The following DCAF10 variants were observed in gnomAD, a reference collection of about 807,000 sequenced individuals.
DCAF10 encodes the protein DDB1 and CUL4 associated factor 10.
A neutral mutation model predicts 51.9 loss-of-function variants in DCAF10; 19 were observed. The observed-to-expected ratio is 0.37, with a 90% CI of 0.26 to 0.54. The LOEUF is 0.54. Among genes scored for constraint, DCAF10 ranks in the 20% least tolerant of loss-of-function variants. The pLI, the probability that DCAF10 is intolerant of heterozygous loss-of-function variation, is 0.87. For missense variants in DCAF10, 510 were observed against 730.6 expected, an observed-to-expected ratio of 0.70 and a Z score of 3.48; for synonymous variants, 291 against 297.1, an observed-to-expected ratio of 0.98 and a Z score of 0.21.
chr9:37,860,989 T>C (rs558574717), intron 6 of DCAF10, 151 bp from the exon 7 acceptor site: 137 of 1,079,502 alleles, frequency 1.3e-4, no homozygotes, highest in Middle Eastern at 3.3e-4. Flanking sequence ...CTACAAGTTT[T>C]GTTAGTTGGG....
intron 1 of DCAF10, among the ~76,000 whole-genome samples, chr9:37,814,525 C>T (rs2119042728): frequency 6.6e-6 from 1 of 151,952 alleles, no homozygotes; most frequent in African/African-American, 2.4e-5. Context: ...AGTGATCCTC[C>T]TGCCTCAGCC....
At chr9:37,808,511 TTTATATAATATATTATATAAA>T in intron 1 of DCAF10, among the ~76,000 whole-genome samples, 1 of 118,452 alleles carries the variant, frequency 8.4e-6, no homozygotes, top group African/African-American at 3.2e-5. Flanking sequence ...AAAACATATA[TTTATATAATATATTATATAAA>T]TATATAATAT....
At chr9:37,836,579 C>CA (rs1830171231) in intron 2 of DCAF10, among the ~76,000 whole-genome samples, 1 of 152,172 alleles carries the variant, frequency 6.6e-6, no homozygotes. Flanking sequence ...CCACTTTTAT[C>CA]TACTCTTTTT....
Position 37,855,313 on chromosome 9 carries a change from A to C in DCAF10, c.1054+331A>C, listed in dbSNP as rs1587130000. Reference sequence around the variant, plus strand: ...CACTATCTCAAAAATTAGTGATGGCACAAGGTCTTAAGTCCTTCTGGAATC... The same window carrying C: ...CACTATCTCAAAAATTAGTGATGGCCCAAGGTCTTAAGTCCTTCTGGAATC... On this transcript the variant is annotated intron_variant, in intron 4 of 6. Transcript: ENST00000377724. Among the ~76,000 whole-genome samples, 3 of 152,326 alleles carry C rather than the reference A, an allele frequency of 2.0e-5. No homozygotes were observed. In the East Asian group the frequency reaches 5.8e-4, roughly 29 times the overall value.
At chr9:37,807,425 T>A (rs1328282773) in intron 1 of DCAF10, among the ~76,000 whole-genome samples, 2 of 152,160 alleles carry the variant, frequency 1.3e-5, no homozygotes, top group East Asian at 3.8e-4. Context: ...TAGTTTCCTA[T>A]GTCAATTCAT....
rs1392735777 is a variant in DCAF10, at chr9:37,864,376, G to GT, written c.*2871dup. 2.0e-5 allele frequency: 3 copies of GT among 152,190 alleles called. No individual in the cohort carries two copies. The highest frequency in any genetic ancestry group is 2.9e-5 in the Non-Finnish European group (2 of 68,128). 9.4% of individuals were successfully genotyped at this position (152,190 alleles called of 1,614,324 possible). A position where few individuals can be genotyped will look rare whatever the true frequency, so the allele number is the denominator to read the frequency against. The stretch of plus-strand genomic sequence containing the variant: ...GTGGGTGGATCACTTGAGGTCAGGA[G>GT]TTTGAGAACAGCCTAGCCAACATGG... On this transcript the variant is annotated 3_prime_UTR_variant, in exon 7 of 7. Coordinates refer to ENST00000377724, the MANE Select transcript of DCAF10 (RefSeq NM_024345.5).
intron 1 of DCAF10, among the ~76,000 whole-genome samples, chr9:37,814,080 C>CTATATATATATATATA (rs58660288): frequency 1.1e-4 from 5 of 47,104 alleles, no homozygotes; most frequent in Non-Finnish European, 1.6e-4. Flanking sequence ...CTATTTGTCA[C>CTATATATATATATATA]TATATATATA....
intron 1 of DCAF10, among the ~76,000 whole-genome samples, chr9:37,806,551 C>T (rs1829120209): frequency 6.6e-6 from 1 of 152,168 alleles, no homozygotes; most frequent in Admixed American, 6.5e-5. Flanking sequence ...CCGGGAGATC[C>T]AGAAAGAAGA....
chr9:37,804,370 T>C (rs921351091), intron 1 of DCAF10, among the ~76,000 whole-genome samples: 12 of 152,050 alleles, frequency 7.9e-5, no homozygotes, highest in Non-Finnish European at 1.6e-4. Context: ...CTTTCCAGAA[T>C]TGAAGAAAGG....
At chr9:37,850,550 T>G (rs1050942237) in intron 3 of DCAF10, among the ~76,000 whole-genome samples, 14 of 151,864 alleles carry the variant, frequency 9.2e-5, no homozygotes, top group Admixed American at 5.9e-4. Flanking sequence ...ATCACTTACA[T>G]GTAGAATCTA....
rs10115457 is a variant in DCAF10 at position 37,861,797 on chromosome 9, C to A, written c.*289C>A. 49,340 of 291,138 alleles carry A rather than the reference C, an allele frequency of 0.17. 4,931 individuals are homozygous for A. The highest frequency in any genetic ancestry group is 0.29 in the African/African-American group (13,855 of 47,510). 18.0% of individuals were successfully genotyped at this position (291,138 alleles called of 1,614,324 possible). ...TCATTTTGCATGGTAGCTCTTGTCA[C>A]GTTCCTTCCTTCCTCACTCTCTATT... On this transcript the variant is annotated 3_prime_UTR_variant, in exon 7 of 7. Transcript: ENST00000377724. The surrounding 1 kb of genome is among the most constrained non-coding windows in gnomAD (Gnocchi z 4.9).
At chr9:37,815,145 C>T (rs766286805) in intron 1 of DCAF10, among the ~76,000 whole-genome samples, 2 of 152,076 alleles carry the variant, frequency 1.3e-5, no homozygotes, top group Non-Finnish European at 2.9e-5. Flanking sequence ...GAAAGCTTAG[C>T]AAAATTGAAA....
intron 1 of DCAF10, among the ~76,000 whole-genome samples, chr9:37,802,709 G>A (rs1202185651): frequency 6.6e-6 from 1 of 152,104 alleles, no homozygotes; most frequent in Non-Finnish European, 1.5e-5. Flanking sequence ...GGGGTCTCTG[G>A]GGTCTCAACA....
chr9:37,865,940 C>T lies in DCAF10; in HGVS notation c.*4432C>T, dbSNP rs1411028944. 6.6e-6 allele frequency: 1 copy of T among 152,582 alleles called. No homozygotes were observed. The highest frequency in any genetic ancestry group is 6.5e-5 in the Admixed American group (1 of 15,274). The allele number at this position is 152,582 out of a possible 1,614,324, so 9.5% of individuals were successfully genotyped here. ...TCTAGAAAGTGCAATATAGGGAAAA[C>T]ACTCTAAGAATCTTTTAAAAGCCTA... On this transcript the variant is annotated 3_prime_UTR_variant, in exon 7 of 7. Coordinates refer to ENST00000377724, the MANE Select transcript of DCAF10 (RefSeq NM_024345.5).
chr9:37,827,415 CAG>C (rs2117904894), intron 2 of DCAF10, among the ~76,000 whole-genome samples: 1 of 152,114 alleles, frequency 6.6e-6, no homozygotes, highest in South Asian at 2.1e-4. Flanking sequence ...AGGTGCAAAA[CAG>C]AGTTATCAAA....
At chr9:37,850,824 TTTTATATATATATATATATATA>T (rs1235368962) in intron 3 of DCAF10, among the ~76,000 whole-genome samples, 10 of 54,530 alleles carry the variant, frequency 1.8e-4, no homozygotes, top group East Asian at 5.3e-4. Context: ...TGAGGATATA[TTTTATATATATATATATATATA>T]TATATATATA....
At chr9:37,805,832 C>A (rs2119014651) in intron 1 of DCAF10, among the ~76,000 whole-genome samples, 2 of 152,338 alleles carry the variant, frequency 1.3e-5, no homozygotes, top group Middle Eastern at 3.4e-3. Context: ...CGCCTACAAT[C>A]CCAACATTTT....
At chr9:37,814,078 C>T (rs1407545944) in intron 1 of DCAF10, among the ~76,000 whole-genome samples, 1 of 74,218 alleles carries the variant, frequency 1.3e-5, no homozygotes, top group African/African-American at 5.3e-5. Flanking sequence ...AACTATTTGT[C>T]ACTATATATA....
At chr9:37,803,417 T>C (rs1015499593) in intron 1 of DCAF10, among the ~76,000 whole-genome samples, 3 of 146,318 alleles carry the variant, frequency 2.1e-5, no homozygotes, top group Admixed American at 2.0e-4. Context: ...AAATATTTTA[T>C]ATTTATATCT....
Sources: gnomAD v4.1 joint callset for allele counts (sites outside exome capture counted in the v4.1 genomes callset) on GRCh38, gnomAD v4.1.1 for gene constraint, Gnocchi (gnomAD v3.1) non-coding constraint, MANE v1.5 for transcripts, NCBI Gene and HGNC (gene_info 2026-07-23, HGNC 2026-07-21) for gene names.